Variants in KLF4 observed in about 807,000 individuals in gnomAD.
KLF4 encodes Krueppel-like factor 4.
A neutral mutation model predicts 38.0 loss-of-function variants in KLF4; 14 were observed. The ratio of observed to expected loss-of-function variants is 0.37; its 90% CI spans 0.24 to 0.58. The LOEUF is 0.58. KLF4 is among the 20% of genes least tolerant of loss of function. The probability of loss-of-function intolerance (pLI) is 0.76; values close to 1 mark genes in which losing one functional copy is unlikely to be tolerated. For missense variants in KLF4, 737 were observed against 670.1 expected (o/e 1.10, Z -1.10); for synonymous variants, 398 against 302.5 (o/e 1.32, Z -3.28).
rs1446909151 is a variant in KLF4, at chr9:107,487,902, C to T, written c.492G>A (p.Pro164=). Residue 164 remains proline (P), a synonymous_variant, in exon 3 of 5, where the codon CCG becomes CCA. Transcript: ENST00000374672. The surrounding 1 kb of genome is among the most constrained non-coding windows in gnomAD (Gnocchi z 6.1). ...AGAGGAGGCCTCCGCCCGTGCCGCC[C>T]GGCGCCACGCCCGGGTCGTTCCCGG... The part of the protein sequence containing the change: ...IRAGNDPGVA[P]GGTGGGLLYG... 1.9e-6 allele frequency: 3 copies of T among 1,563,056 alleles called. No homozygotes were observed. In the African/African-American group the frequency reaches 4.1e-5, roughly 21 times the overall value.
At position 107,487,558 on chromosome 9, in the gene KLF4, T is replaced by G; in HGVS notation, c.836A>C (p.Gln279Pro). Residue 279 changes from glutamine (Q) to proline (P), a missense_variant, in exon 3 of 5, where the codon CAG (glutamine) becomes CCG (proline). Transcript: ENST00000374672. This position sits in a 1 kb window ranked among gnomAD's most constrained non-coding sequence, Gnocchi z 6.1. ...GTGGGTGCACGAAGAGACCGCCTCC[T>G]GCTTGATCTTGGGGCACGTGCGCGG... is the stretch of plus-strand genomic sequence containing the variant. ...GPPRTCPKIK[Q>P]EAVSSCTHLG... The G allele has an allele frequency of 6.4e-7, 1 of 1,574,080 alleles. No individual in the cohort carries two copies. The highest frequency in any genetic ancestry group is 8.6e-7 in the Non-Finnish European group (1 of 1,163,188).
chr9:107,487,471 C>G lies in KLF4; in HGVS notation c.923G>C (p.Gly308Ala). ...HRPAAHDFPL[G>A]RQLPSRTTPT... ...GGTAGTCCTGCTGGGGAGCTGCCGC[C>G]CCAGGGGGAAGTCGTGTGCAGCCGG... The change falls in exon 3 of 5, where the codon GGG becomes GCG. Residue 308 changes from glycine (G) to alanine (A), a missense_variant. Coordinates refer to ENST00000374672, the MANE Select transcript of KLF4 (RefSeq NM_004235.6). This position sits in a 1 kb window ranked among gnomAD's most constrained non-coding sequence, Gnocchi z 6.1. 1 of 1,539,086 alleles carries G rather than the reference C, an allele frequency of 6.5e-7. No homozygotes were observed. Among genetic ancestry groups the G allele is most frequent in the African/African-American group, 1.4e-5 (1 of 72,828 alleles).
At position 107,485,625 on chromosome 9, in the gene KLF4, T is replaced by C. The variant is rs1829045727; in HGVS notation, c.*126A>G. 2 of 921,242 alleles carry C rather than the reference T, an allele frequency of 2.2e-6. No homozygotes were observed. Among genetic ancestry groups the C allele is most frequent in the Non-Finnish European group, 3.2e-6 (2 of 633,226 alleles). The allele number at this position is 921,242 out of a possible 1,614,324, so 57.1% of individuals were successfully genotyped here. On this transcript the variant is annotated 3_prime_UTR_variant, in exon 5 of 5. Transcript: ENST00000374672. The surrounding 1 kb of genome is among the most constrained non-coding windows in gnomAD (Gnocchi z 4.9). ...ATTATCCACTCACAAGATGACTCAG[T>C]TGGGAACTTGACCATGATTGTAGTG...
Position 107,488,275 on chromosome 9 carries a change from G to A in KLF4, c.127-8C>T, listed in dbSNP as rs1369535496. 5 of 1,590,342 alleles carry A rather than the reference G, an allele frequency of 3.1e-6. No homozygotes were observed. The highest frequency in any genetic ancestry group is 1.8e-5 in the Admixed American group (1 of 56,838). On this transcript the variant is annotated splice_region_variant and splice_polypyrimidine_tract_variant and intron_variant, in intron 2 of 4. Coordinates refer to ENST00000374672, the MANE Select transcript of KLF4 (RefSeq NM_004235.6). This position sits in a 1 kb window ranked among gnomAD's most constrained non-coding sequence, Gnocchi z 5.7. ...GAGCTCCTCCCGCCAGCGCTGCGGG[G>A]ACAGGGCGGGAGAGACCTGTCAGTG...
Position 107,487,633 on chromosome 9 carries a change from C to T in KLF4, c.761G>A (p.Ser254Asn). 2 of 1,590,014 alleles carry T rather than the reference C, an allele frequency of 1.3e-6. No individual in the cohort carries two copies. Among genetic ancestry groups the T allele is most frequent in the Non-Finnish European group, 1.7e-6 (2 of 1,166,912 alleles). Reference sequence around the variant, plus strand: ...CACCACCGGGTGGCTGCCGTCAGGGCTGCCTTTGCTGACGCTGATGACCGA... The same window carrying T: ...CACCACCGGGTGGCTGCCGTCAGGGTTGCCTTTGCTGACGCTGATGACCGA... The part of the protein sequence containing the change: ...SPSVISVSKG[S>N]PDGSHPVVVA... Residue 254 changes from serine to asparagine, a missense_variant, in exon 3 of 5, where the codon AGC (serine) becomes AAC (asparagine). Transcript: ENST00000374672. This position sits in a 1 kb window ranked among gnomAD's most constrained non-coding sequence, Gnocchi z 6.1.
intron 4 of KLF4, 148 bp from the exon 5 acceptor site, chr9:107,486,074 G>T: frequency 1.5e-6 from 1 of 674,348 alleles, no homozygotes; most frequent in Non-Finnish European, 2.4e-6. Context: ...GGGGTGTATT[G>T]AATTCCATAT....
chr9:107,488,340 G>C lies in KLF4; in HGVS notation c.127-73C>G. 1 of 1,467,220 alleles carries C rather than the reference G, an allele frequency of 6.8e-7. No homozygotes were observed. Among genetic ancestry groups the C allele is most frequent in the South Asian group, 1.4e-5 (1 of 72,114 alleles). The allele number at this position is 1,467,220 out of a possible 1,614,324, so 90.9% of individuals were successfully genotyped here. A position where few individuals can be genotyped will look rare whatever the true frequency, so the allele number is the denominator to read the frequency against. Reference sequence around the variant, plus strand: ...CCACCCGACATACTGACGTGCTGGCGGGCCACGCGCGACTGCACCGCCCAG... The same window carrying C: ...CCACCCGACATACTGACGTGCTGGCCGGCCACGCGCGACTGCACCGCCCAG... On this transcript the variant is annotated intron_variant, in intron 2 of 4. Coordinates refer to ENST00000374672, the MANE Select transcript of KLF4 (RefSeq NM_004235.6). The surrounding 1 kb of genome is among the most constrained non-coding windows in gnomAD (Gnocchi z 5.7).
chr9:107,486,996 A>T, intron 4 of KLF4, 32 bp downstream of exon 4: 1 of 1,613,752 alleles, frequency 6.2e-7, no homozygotes, highest in South Asian at 1.1e-5. Context: ...CTGGAAGCTA[A>T]CCCCCCTCCC....
At position 107,486,673 on chromosome 9, in the gene KLF4, T is replaced by C. The variant is rs1019008307; in HGVS notation, c.1264+355A>G. On this transcript the variant is annotated intron_variant, in intron 4 of 4. Transcript: ENST00000374672. ...TTAAAAAAGCCATCATGCTTTTGCA[T>C]AGCAAAGTATAATTTCTTGATTATA... Among the ~76,000 whole-genome samples the C allele has an allele frequency of 2.0e-5, 3 of 152,250 alleles. No individual in the cohort carries two copies. In the South Asian group the frequency reaches 6.2e-4, roughly 32 times the overall value.
In KLF4 at chr9:107,489,320, C is replaced by A; in HGVS notation, c.-148G>T. On this transcript the variant is annotated 5_prime_UTR_variant, in exon 1 of 5. Coordinates refer to ENST00000374672, the MANE Select transcript of KLF4 (RefSeq NM_004235.6). Reference sequence around the variant, plus strand: ...CTTTGGATTAAATATAACTTGGAAGCGTCTTTTTTAAAAAGTTCCTTTGTA... The same window carrying A: ...CTTTGGATTAAATATAACTTGGAAGAGTCTTTTTTAAAAAGTTCCTTTGTA... 8.9e-7 allele frequency: 1 copy of A among 1,124,416 alleles called. No individual in the cohort carries two copies. The highest frequency in any genetic ancestry group is 1.2e-6 in the Non-Finnish European group (1 of 841,394). The allele number at this position is 1,124,416 out of a possible 1,614,324, so 69.7% of individuals were successfully genotyped here. A position where few individuals can be genotyped will look rare whatever the true frequency, so the allele number is the denominator to read the frequency against.
chr9:107,489,150 G>T lies in KLF4; in HGVS notation c.5+18C>A. The T allele has an allele frequency of 1.3e-6, 2 of 1,534,128 alleles. No homozygotes were observed. ...GTCCTCACCCCTCCCTGCTCCCAGC[G>T]CCGCGCGCCTCACCTACCTCATTAA... On this transcript the variant is annotated intron_variant, in intron 1 of 4. Coordinates refer to ENST00000374672, the MANE Select transcript of KLF4 (RefSeq NM_004235.6).
At position 107,488,172 on chromosome 9, in the gene KLF4, C is replaced by A; in HGVS notation, c.222G>T (p.Leu74=). ...AAGCCGCACCGGCTCCGCCGCTCTC[C>A]AGGTCTGTGGCCACGGTCGCCGCCG... ...DLAAATVATD[L]ESGGAGAACG... Residue 74 remains leucine, a synonymous_variant, in exon 3 of 5, where the codon CTG becomes CTT. Transcript: ENST00000374672. This position sits in a 1 kb window ranked among gnomAD's most constrained non-coding sequence, Gnocchi z 5.7. 1 of 1,612,650 alleles carries A rather than the reference C, an allele frequency of 6.2e-7. No homozygotes were observed. Among genetic ancestry groups the A allele is most frequent in the Non-Finnish European group, 8.5e-7 (1 of 1,179,862 alleles).
chr9:107,486,610 G>A (rs1829067133), intron 4 of KLF4, among the ~76,000 whole-genome samples: 1 of 152,030 alleles, frequency 6.6e-6, no homozygotes, highest in African/African-American at 2.4e-5. Flanking sequence ...CAAAAAGGGA[G>A]GGTGAACCTG....
chr9:107,487,151 G>A lies in KLF4; in HGVS notation c.1141C>T (p.Pro381Ser), dbSNP rs760352487. 1.2e-6 allele frequency: 2 copies of A among 1,614,190 alleles called. No homozygotes were observed. Among genetic ancestry groups the A allele is most frequent in the Non-Finnish European group, 1.7e-6 (2 of 1,180,036 alleles). ...GGCCACGATCGTCTTCCCCTCTTTG[G>A]CTTGGGCTCCTCTGGCATGCAGGAA... is the stretch of plus-strand genomic sequence containing the variant. ...PGSCMPEEPKPKRGRRSWPRK... is the reference protein window; with the variant it reads ...PGSCMPEEPKSKRGRRSWPRK... The change falls in exon 4 of 5, where the codon CCA becomes TCA. Residue 381 changes from proline to serine, a missense_variant. Around this residue, in one of 2 missense-constraint regions of KLF4, gnomAD observed 695 missense variants for 554.5 expected, o/e 1.25. Coordinates refer to ENST00000374672, the MANE Select transcript of KLF4 (RefSeq NM_004235.6). This position sits in a 1 kb window ranked among gnomAD's most constrained non-coding sequence, Gnocchi z 6.1.
intron 4 of KLF4, among the ~76,000 whole-genome samples, chr9:107,486,561 AAAGT>A (rs547583682): frequency 7.5e-4 from 114 of 152,202 alleles, no homozygotes; most frequent in African/African-American, 2.7e-3. Context: ...AAAAAATAAA[AAAGT>A]AAGACCGAAT....
Position 107,487,548 on chromosome 9 carries a change from G to C in KLF4, c.846C>G (p.Val282=). ...RTCPKIKQEA[V]SSCTHLGAGP... ...CAGCGCCCAAGTGGGTGCACGAAGA[G>C]ACCGCCTCCTGCTTGATCTTGGGGC... Residue 282 remains valine (V), a synonymous_variant, in exon 3 of 5, where the codon GTC becomes GTG. Coordinates refer to ENST00000374672, the MANE Select transcript of KLF4 (RefSeq NM_004235.6). The surrounding 1 kb of genome is among the most constrained non-coding windows in gnomAD (Gnocchi z 6.1). 1 of 1,568,308 alleles carries C rather than the reference G, an allele frequency of 6.4e-7. No homozygotes were observed. Among genetic ancestry groups the C allele is most frequent in the Non-Finnish European group, 8.6e-7 (1 of 1,159,418 alleles).
Position 107,487,617 on chromosome 9 carries a change from G to T in KLF4, c.777C>A (p.His259Gln). 6.2e-7 allele frequency: 1 copy of T among 1,601,352 alleles called. No homozygotes were observed. Among genetic ancestry groups the T allele is most frequent in the Non-Finnish European group, 8.5e-7 (1 of 1,177,738 alleles). ...CGTTGTAGGGCGCCACCACCACCGG[G>T]TGGCTGCCGTCAGGGCTGCCTTTGC... ...SVSKGSPDGS[H>Q]PVVVAPYNGG... is the part of the protein sequence containing the mutation. The change falls in exon 3 of 5, where the codon CAC becomes CAA. Residue 259 changes from histidine to glutamine, a missense_variant. His to Gln is a conservative substitution (Grantham distance 24). Transcript: ENST00000374672. This position sits in a 1 kb window ranked among gnomAD's most constrained non-coding sequence, Gnocchi z 6.1.
At position 107,488,218 on chromosome 9, in the gene KLF4, G is replaced by A; in HGVS notation, c.176C>T (p.Pro59Leu). 6.2e-7 allele frequency: 1 copy of A among 1,611,322 alleles called. No homozygotes were observed. Among genetic ancestry groups the A allele is most frequent in the Non-Finnish European group, 8.5e-7 (1 of 1,179,406 alleles). The change falls in exon 3 of 5, where the codon CCC becomes CTC. Residue 59 changes from proline (P) to leucine (L), a missense_variant. By Grantham distance (98) the Pro-to-Leu change is moderately conservative. Coordinates refer to ENST00000374672, the MANE Select transcript of KLF4 (RefSeq NM_004235.6). The surrounding 1 kb of genome is among the most constrained non-coding windows in gnomAD (Gnocchi z 5.7). ...CGCCGCCAGGTCATAGGGGCGGCCG[G>A]GAAGCACTGGGGGAAGTCGCTTCAT... ...SHMKRLPPVL[P>L]GRPYDLAAAT...
In KLF4 at chr9:107,488,434, C is replaced by G; in HGVS notation, c.127-167G>C. 4 of 1,244,902 alleles carry G rather than the reference C, an allele frequency of 3.2e-6. No homozygotes were observed. Among genetic ancestry groups the G allele is most frequent in the East Asian group, 2.6e-5 (1 of 38,910 alleles). The allele number at this position is 1,244,902 out of a possible 1,614,324, so 77.1% of individuals were successfully genotyped here. A position where few individuals can be genotyped will look rare whatever the true frequency, so the allele number is the denominator to read the frequency against. On this transcript the variant is annotated intron_variant, in intron 2 of 4. Coordinates refer to ENST00000374672, the MANE Select transcript of KLF4 (RefSeq NM_004235.6). This position sits in a 1 kb window ranked among gnomAD's most constrained non-coding sequence, Gnocchi z 5.7. ...GCCAGCGCTGCAATCTCGGCCCACT[C>G]CCGGGTCGAAGAAGAGGTGATGCGT... is the stretch of plus-strand genomic sequence containing the variant.
Sources: gnomAD v4.1 joint callset for allele counts (sites outside exome capture counted in the v4.1 genomes callset) on GRCh38, gnomAD v4.1.1 for gene constraint, gnomAD v4.1.1 regional missense constraint, Gnocchi (gnomAD v3.1) non-coding constraint, MANE v1.5 for transcripts, NCBI Gene and HGNC (gene_info 2026-07-23, HGNC 2026-07-21) for gene names.